Variants in SLC5A1 observed in about 807,000 individuals in gnomAD.
The protein encoded by SLC5A1 is solute carrier family 5 member 1.
In SLC5A1, 42 loss-of-function variants were observed where a neutral mutation model predicts 73.5. The ratio of observed to expected loss-of-function variants is 0.57; its 90% confidence interval spans 0.45 to 0.74. The LOEUF is 0.74. SLC5A1 is among the 30% of genes least tolerant of loss of function. SLC5A1 has a pLI of 0.00. For synonymous variants in SLC5A1, 300 were observed against 317.4 expected, an observed-to-expected ratio of 0.95 and a Z score of 0.58; for missense variants, 634 against 855.4, an observed-to-expected ratio of 0.74 and a Z score of 3.23.
rs146612147 is a variant in SLC5A1, at chr22:32,086,213, T to G, written c.1022-7T>G. ...GCTTGCTGACGTGGCTCTCCATCTC[T>G]TCCCAGAAAAAATTGCCTGTGTCGT... On this transcript the variant is annotated splice_region_variant and splice_polypyrimidine_tract_variant and intron_variant, in intron 9 of 14. Coordinates refer to ENST00000266088, the MANE Select transcript of SLC5A1 (RefSeq NM_000343.4). 6.3e-7 allele frequency: 1 copy of G among 1,595,254 alleles called. No homozygotes were observed. The highest frequency in any genetic ancestry group is 8.6e-7 in the Non-Finnish European group (1 of 1,162,820).
chr22:32,065,754 C>T (rs2093971852), intron 2 of SLC5A1, among the ~76,000 whole-genome samples: 1 of 152,204 alleles, frequency 6.6e-6, no homozygotes, highest in South Asian at 2.1e-4. Flanking sequence ...GCTAAGCCTT[C>T]AGAAATCTCC....
At chr22:32,090,986 C>T (rs1569313212) in intron 10 of SLC5A1, among the ~76,000 whole-genome samples, 1 of 152,018 alleles carries the variant, frequency 6.6e-6, no homozygotes, top group East Asian at 1.9e-4. Context: ...TTTGAATTCC[C>T]CTGATGTCAA....
intron 12 of SLC5A1, among the ~76,000 whole-genome samples, chr22:32,099,874 G>A (rs1276491707): frequency 6.6e-6 from 1 of 152,198 alleles, no homozygotes; most frequent in Non-Finnish European, 1.5e-5. Flanking sequence ...GCCCAGTGAA[G>A]ACAAAGTCCT....
intron 2 of SLC5A1, among the ~76,000 whole-genome samples, chr22:32,066,518 G>A (rs733908): frequency 0.045 from 6,803 of 152,218 alleles, 204 homozygotes; most frequent in Non-Finnish European, 0.07. Context: ...CTGAGAGCCT[G>A]TATTGGGCAA....
chr22:32,091,154 G>T (rs1304021802), intron 10 of SLC5A1, among the ~76,000 whole-genome samples: 2 of 151,924 alleles, frequency 1.3e-5, no homozygotes, highest in South Asian at 2.1e-4. Flanking sequence ...TGATTTGCAC[G>T]TATTTTCTCC....
At chr22:32,074,498 G>A (rs118009794) in intron 5 of SLC5A1, among the ~76,000 whole-genome samples, 6,925 of 152,114 alleles carry the variant, frequency 0.046, 214 homozygotes, top group Non-Finnish European at 0.071. Flanking sequence ...TCCTGCTCAC[G>A]TTCCCTTTCT....
At chr22:32,071,359 G>A (rs189896802) in intron 5 of SLC5A1, among the ~76,000 whole-genome samples, 67 of 152,210 alleles carry the variant, frequency 4.4e-4, no homozygotes, top group Non-Finnish European at 8.2e-4. Flanking sequence ...AGGCTGAGGC[G>A]GGAGGATCAC....
chr22:32,043,262 AAG>A lies in SLC5A1; in HGVS notation c.-19_-18del, dbSNP rs1312292998. ...GGAGCTAGCGGCCCTGGCGAGAGGGAAGGACGCAACGCTGCCACCATGGACAG... is the reference window on the plus strand; with the variant it reads ...GGAGCTAGCGGCCCTGGCGAGAGGGAGACGCAACGCTGCCACCATGGACAG... On this transcript the variant is annotated 5_prime_UTR_variant, in exon 1 of 15. Transcript: ENST00000266088. This position sits in a 1 kb window ranked among gnomAD's most constrained non-coding sequence, Gnocchi z 6.5. The A allele has an allele frequency of 6.2e-6, 10 of 1,613,122 alleles. No individual in the cohort carries two copies. Among genetic ancestry groups the A allele is most frequent in the Non-Finnish European group, 8.5e-6 (10 of 1,179,990 alleles).
intron 2 of SLC5A1, among the ~76,000 whole-genome samples, chr22:32,061,000 G>A (rs983979796): frequency 6.6e-6 from 1 of 152,108 alleles, no homozygotes; most frequent in Non-Finnish European, 1.5e-5. Context: ...ACTTTGTTGG[G>A]CATAAGAATC....
chr22:32,051,517 G>A (rs140565108), intron 2 of SLC5A1, among the ~76,000 whole-genome samples: 4 of 152,234 alleles, frequency 2.6e-5, no homozygotes, highest in East Asian at 3.9e-4. Flanking sequence ...CTAGCTGGGC[G>A]TGGTGGTGTG....
intron 2 of SLC5A1, among the ~76,000 whole-genome samples, chr22:32,052,534 C>T (rs190086319): frequency 7.9e-5 from 12 of 152,208 alleles, no homozygotes; most frequent in Non-Finnish European, 1.5e-4. Context: ...GGCAGGGATG[C>T]ACTCCAGGAA....
chr22:32,105,289 AT>A (rs750353760), intron 14 of SLC5A1, among the ~76,000 whole-genome samples: 29,335 of 128,174 alleles, frequency 0.23, 4,322 homozygotes, highest in African/African-American at 0.51. Flanking sequence ...TGCACTCTTA[AT>A]TTTTTTTTTT....
chr22:32,091,298 AACACACACACAC>A (rs67059150), intron 10 of SLC5A1, among the ~76,000 whole-genome samples: 202 of 139,056 alleles, frequency 1.5e-3, no homozygotes, highest in Middle Eastern at 3.6e-3. Context: ...CACATACACA[AACACACACACAC>A]ACACACACAC....
At chr22:32,063,665 G>A (rs1432442728) in intron 2 of SLC5A1, among the ~76,000 whole-genome samples, 1 of 152,106 alleles carries the variant, frequency 6.6e-6, no homozygotes, top group Non-Finnish European at 1.5e-5. Context: ...TGGCCATGTG[G>A]GTGGGTGGGG....
chr22:32,108,772 G>A (rs2094050884), intron 14 of SLC5A1, among the ~76,000 whole-genome samples: 4 of 152,120 alleles, frequency 2.6e-5, no homozygotes. Context: ...GAAGATAAGG[G>A]AGGTGAATTA....
At chr22:32,070,013 G>A (rs986830519) in intron 5 of SLC5A1, among the ~76,000 whole-genome samples, 1 of 152,060 alleles carries the variant, frequency 6.6e-6, no homozygotes, top group Non-Finnish European at 1.5e-5. Flanking sequence ...CTCTCTGGGG[G>A]ATGTTTACTC....
chr22:32,078,899 G>C (rs965484229), intron 5 of SLC5A1, among the ~76,000 whole-genome samples: 2 of 143,742 alleles, frequency 1.4e-5, no homozygotes, highest in Non-Finnish European at 3.0e-5. Context: ...AGGTTGCAGT[G>C]AGCCGAGATT....
chr22:32,091,300 C>A (rs1316733989), intron 10 of SLC5A1, among the ~76,000 whole-genome samples: 1 of 18,272 alleles, frequency 5.5e-5, no homozygotes, highest in Non-Finnish European at 1.0e-4. Context: ...CATACACAAA[C>A]ACACACACAC....
rs200562349 is a variant in SLC5A1, at chr22:32,099,217, G to A, written c.1315G>A (p.Ala439Thr). The A allele has an allele frequency of 5.6e-6, 9 of 1,610,456 alleles. No individual in the cohort carries two copies. The highest frequency in any genetic ancestry group is 2.2e-5 in the East Asian group (1 of 44,600). ...FILVLIGISI[A>T]WVPIVQSAQS... ...CCTGGTGCTGATTGGCATCAGCATCGCCTGGGTGCCCATTGTGCAGTCAGC... is the reference window on the plus strand; with the variant it reads ...CCTGGTGCTGATTGGCATCAGCATCACCTGGGTGCCCATTGTGCAGTCAGC... Residue 439 changes from alanine to threonine, a missense_variant, in exon 12 of 15, where the codon GCC becomes ACC. By Grantham distance (58) the Ala-to-Thr change is moderately conservative (BLOSUM62 0). Around this residue, in one of 3 missense-constraint regions of SLC5A1, gnomAD observed 422 missense variants for 626.1 expected, o/e 0.67. Transcript: ENST00000266088.
Sources: allele counts gnomAD v4.1 joint callset (sites outside exome capture counted in the v4.1 genomes callset), GRCh38; gene constraint gnomAD v4.1.1; regional missense constraint gnomAD v4.1.1; non-coding constraint Gnocchi (gnomAD v3.1); transcripts MANE v1.5; gene names NCBI Gene and HGNC (gene_info 2026-07-23, HGNC 2026-07-21).